The following KSR1 variants were observed in gnomAD, a reference collection of about 807,000 sequenced individuals.
KSR1 encodes kinase suppressor of ras.
In KSR1, 35 loss-of-function variants were observed where a neutral mutation model predicts 92.9. That is an observed-to-expected ratio of 0.38 (90% confidence interval 0.29 to 0.50). The LOEUF is 0.50. Ranked by LOEUF, KSR1 falls within the 20% of genes least tolerant of loss-of-function variation. The probability of loss-of-function intolerance (pLI) is 0.94; values close to 1 mark genes in which losing one functional copy is unlikely to be tolerated. For missense variants in KSR1, 972 were observed against 1,158.5 expected, an observed-to-expected ratio of 0.84 and a Z score of 2.34; for synonymous variants, 467 against 472.6, an observed-to-expected ratio of 0.99 and a Z score of 0.15.
At chr17:27,471,931 T>A (rs2020033112) in intron 1 of KSR1, 1 of 152,238 alleles carries the variant, frequency 6.6e-6, no homozygotes, top group South Asian at 2.1e-4. Context: ...CTGTGCTCTG[T>A]GCTGTCAGCC....
At chr17:27,546,488 A>C (rs549877843) in intron 1 of KSR1, among the ~76,000 whole-genome samples, 1 of 152,314 alleles carries the variant, frequency 6.6e-6, no homozygotes, top group African/African-American at 2.4e-5. Context: ...GGGGAGACTG[A>C]GGCAGAAGCT....
intron 2 of KSR1, among the ~76,000 whole-genome samples, chr17:27,553,056 C>G (rs1418103650): frequency 6.6e-6 from 1 of 152,186 alleles, no homozygotes; most frequent in African/African-American, 2.4e-5. Context: ...AGTCCTCCGT[C>G]TCAACCACTT....
Position 27,582,799 on chromosome 17 carries a change from C to T in KSR1, c.674C>T (p.Pro225Leu). The T allele has an allele frequency of 6.2e-7, 1 of 1,613,674 alleles. No homozygotes were observed. The highest frequency in any genetic ancestry group is 8.5e-7 in the Non-Finnish European group (1 of 1,179,764). The stretch of plus-strand genomic sequence containing the variant: ...AGAGCAGGCAACAGCGCCCAGGGCC[C>T]ACGCTCCATCTCCGTGTCAGCTCTG... ...LGRAGNSAQG[P>L]RSISVSALPA... is the part of the protein sequence containing the mutation. The change falls in exon 4 of 21, where the codon CCA becomes CTA. Residue 225 changes from proline (P) to leucine (L), a missense_variant. Coordinates refer to ENST00000644974, the MANE Select transcript of KSR1 (RefSeq NM_001394583.1).
At chr17:27,618,198 G>C (rs912306312) in intron 19 of KSR1, among the ~76,000 whole-genome samples, 3 of 152,018 alleles carry the variant, frequency 2.0e-5, no homozygotes, top group Admixed American at 2.0e-4. Flanking sequence ...AGTCACTTGG[G>C]TTTAGAAGCT....
intron 1 of KSR1, among the ~76,000 whole-genome samples, chr17:27,478,029 T>G (rs1031201016): frequency 1.3e-5 from 2 of 152,176 alleles, no homozygotes; most frequent in African/African-American, 2.4e-5. Context: ...TCCTGTTGTC[T>G]TTGAGGGAGA....
intron 2 of KSR1, among the ~76,000 whole-genome samples, chr17:27,564,843 C>T (rs1378915675): frequency 6.6e-6 from 1 of 151,390 alleles, no homozygotes; most frequent in African/African-American, 2.4e-5. Context: ...CTTTTCCTCC[C>T]TCAGAGATGA....
chr17:27,596,779 A>G (rs1023176119), intron 9 of KSR1, among the ~76,000 whole-genome samples: 2 of 152,232 alleles, frequency 1.3e-5, no homozygotes, highest in East Asian at 3.8e-4. Flanking sequence ...CAGACATGAT[A>G]TAACATTTAT....
intron 4 of KSR1, among the ~76,000 whole-genome samples, chr17:27,584,198 C>T (rs1396961519): frequency 6.6e-6 from 1 of 152,124 alleles, no homozygotes; most frequent in African/African-American, 2.4e-5. Context: ...CACCCCTTTC[C>T]TACGCTTGAT....
intron 1 of KSR1, among the ~76,000 whole-genome samples, chr17:27,549,205 C>T (rs2071300714): frequency 6.6e-6 from 1 of 152,184 alleles, no homozygotes; most frequent in South Asian, 2.1e-4. Context: ...AAGACAGGTT[C>T]CTGTAAGAGA....
In KSR1 at chr17:27,617,733, C is replaced by T. The variant is rs761280413; in HGVS notation, c.2627+305C>T. The T allele has an allele frequency of 2.9e-5, 10 of 339,712 alleles. No homozygotes were observed. The East Asian group carries it at 4.1e-4, about 14-fold the overall frequency. The allele number at this position is 339,712 out of a possible 1,614,324, so 21.0% of individuals were successfully genotyped here. A position where few individuals can be genotyped will look rare whatever the true frequency, so the allele number is the denominator to read the frequency against. Reference sequence around the variant, plus strand: ...AGTAGAGACGGGGTTTCATCATATTCGCCAGGCTGGTCTTGAACTCCTGAC... The same window carrying T: ...AGTAGAGACGGGGTTTCATCATATTTGCCAGGCTGGTCTTGAACTCCTGAC... On this transcript the variant is annotated intron_variant, in intron 19 of 20. Transcript: ENST00000644974.
At chr17:27,593,849 C>A (rs2073250768) in intron 9 of KSR1, among the ~76,000 whole-genome samples, 2 of 152,204 alleles carry the variant, frequency 1.3e-5, no homozygotes, top group Non-Finnish European at 2.9e-5. Flanking sequence ...TGCCAGTAGG[C>A]TCGATGTCTT....
At chr17:27,487,513 C>T (rs2068701746) in intron 1 of KSR1, among the ~76,000 whole-genome samples, 1 of 151,544 alleles carries the variant, frequency 6.6e-6, no homozygotes, top group Non-Finnish European at 1.5e-5. Flanking sequence ...CTTTGGGAGG[C>T]CGAGGTCGGT....
intron 1 of KSR1, among the ~76,000 whole-genome samples, chr17:27,475,256 C>T (rs560558715): frequency 1.3e-5 from 2 of 152,106 alleles, no homozygotes; most frequent in African/African-American, 2.4e-5. Flanking sequence ...ACTGCACTCA[C>T]GGGTCTCTGA....
At position 27,457,726 on chromosome 17, in the gene KSR1, G is replaced by A. The variant is rs573657923; in HGVS notation, c.231+852G>A. 5.9e-5 allele frequency among the ~76,000 whole-genome samples: 9 copies of A among 152,274 alleles called. No individual in the cohort carries two copies. In the South Asian group the frequency reaches 1.9e-3, roughly 32 times the overall value. ...GGCACCCTGTCCATACACAAATGAG[G>A]GCAACTAGTGGATTCTGAATGTGAT... On this transcript the variant is annotated intron_variant, in intron 1 of 20. Transcript: ENST00000644974.
chr17:27,526,692 C>T lies in KSR1; in HGVS notation c.232-23876C>T, dbSNP rs1024172999. The T allele has an allele frequency of 3.3e-6, 5 of 1,521,462 alleles. No homozygotes were observed. In the African/African-American group the frequency reaches 5.5e-5, roughly 17 times the overall value. 94.2% of individuals were successfully genotyped at this position (1,521,462 alleles called of 1,614,324 possible). Reference sequence around the variant, plus strand: ...TAGTTTTTATTGGCTGTTATTCTGACAGCTGAACACGAGGGTTCAGGTTGA... The same window carrying T: ...TAGTTTTTATTGGCTGTTATTCTGATAGCTGAACACGAGGGTTCAGGTTGA... On this transcript the variant is annotated intron_variant, in intron 1 of 20. Transcript: ENST00000644974.
rs190401197 is a variant in KSR1, at chr17:27,547,854, C to T, written c.232-2714C>T. On this transcript the variant is annotated intron_variant, in intron 1 of 20. Transcript: ENST00000644974. ...CAGCCTCCCGAGTAGCTGGGATTAC[C>T]GGCGTGTGCCACCATGCCTGGCTAA... Among the ~76,000 whole-genome samples the T allele has an allele frequency of 5.2e-3, 793 of 151,962 alleles. 10 individuals carry two copies. Among genetic ancestry groups the T allele is most frequent in the Non-Finnish European group, 5.9e-3 (402 of 67,932 alleles).
intron 1 of KSR1, among the ~76,000 whole-genome samples, chr17:27,499,485 A>G (rs2069103177): frequency 6.6e-6 from 1 of 152,228 alleles, no homozygotes; most frequent in East Asian, 1.9e-4. Context: ...ATAGTCTGCT[A>G]AGGCTGGGCT....
intron 10 of KSR1, 93 bp from the exon 11 acceptor site, chr17:27,601,267 G>C: frequency 9.0e-7 from 1 of 1,114,452 alleles, no homozygotes; most frequent in South Asian, 1.4e-5. Flanking sequence ...CCAGTAACAA[G>C]TCCCTGCCTC....
At position 27,556,317 on chromosome 17, in the gene KSR1, C is replaced by T. The variant is rs555853518; in HGVS notation, c.372+5609C>T. ...GCAGCTTCAATGTCCTGGGCTCAAG[C>T]GATCCTCCCGCCTCACTTCCCAAGT... On this transcript the variant is annotated intron_variant, in intron 2 of 20. Coordinates refer to ENST00000644974, the MANE Select transcript of KSR1 (RefSeq NM_001394583.1). Among the ~76,000 whole-genome samples the T allele has an allele frequency of 2.8e-4, 43 of 152,134 alleles. 1 individual carries two copies. The highest frequency in any genetic ancestry group is 6.8e-3 in the Middle Eastern group (2 of 294).
Sources: allele counts gnomAD v4.1 joint callset (sites outside exome capture counted in the v4.1 genomes callset), GRCh38; gene constraint gnomAD v4.1.1; transcripts MANE v1.5; gene names NCBI Gene and HGNC (gene_info 2026-07-23, HGNC 2026-07-21).